Variants in LGALS8 observed in about 807,000 individuals in gnomAD.
LGALS8 encodes galectin-8.
Under a neutral mutation model 35.9 loss-of-function variants are expected in LGALS8, and 30 were observed. That is an observed-to-expected ratio of 0.83 (90% CI 0.62 to 1.13). The LOEUF (loss-of-function observed/expected upper bound fraction) is 1.13, where lower values mean the gene tolerates loss of function less well. Ranked by LOEUF, LGALS8 falls within the 50% of genes most tolerant of loss-of-function variation. The pLI is 0.00. For missense variants in LGALS8, 366 were observed against 388.7 expected (o/e 0.94, Z 0.49); for synonymous variants, 138 against 136.1 (o/e 1.01, Z -0.10).
At chr1:236,530,336 A>G (rs2758993) in intron 2 of LGALS8, among the ~76,000 whole-genome samples, 87,985 of 152,022 alleles carry the variant, frequency 0.58, 27,127 homozygotes, top group Non-Finnish European at 0.69. Context: ...AACCTGTGAG[A>G]TACCTTCTAG....
At chr1:236,524,292 G>T (rs566858103) in intron 1 of LGALS8, 1 of 456,666 alleles carries the variant, frequency 2.2e-6, no homozygotes. Context: ...GGGCATAAGG[G>T]ATTATCAGGA....
intron 7 of LGALS8, chr1:236,543,064 T>A: frequency 6.2e-7 from 1 of 1,607,142 alleles, no homozygotes; most frequent in Non-Finnish European, 8.5e-7. Context: ...CAAATTTTCT[T>A]AACTCTATAT....
intron 1 of LGALS8, chr1:236,518,340 G>C (rs1298225275): frequency 6.6e-6 from 1 of 152,120 alleles, no homozygotes; most frequent in Non-Finnish European, 1.5e-5. Context: ...AAAGAGTTTG[G>C]TGCTCATGGA....
chr1:236,550,890 C>A lies in LGALS8; in HGVS notation c.*2729C>A, dbSNP rs1225980039. The A allele has an allele frequency of 2.5e-6, 4 of 1,582,256 alleles. No individual in the cohort carries two copies. Among genetic ancestry groups the A allele is most frequent in the Non-Finnish European group, 3.4e-6 (4 of 1,166,442 alleles). On this transcript the variant is annotated 3_prime_UTR_variant, in exon 10 of 10. Coordinates refer to ENST00000366584, the MANE Select transcript of LGALS8 (RefSeq NM_201544.4). Reference sequence around the variant, plus strand: ...TGAACTCTGAGTAGAGTATGAAACACCACAGAAAGTCTTAGAAATAGCTCT... The same window carrying A: ...TGAACTCTGAGTAGAGTATGAAACAACACAGAAAGTCTTAGAAATAGCTCT...
Position 236,526,159 on chromosome 1 carries a change from G to C in LGALS8, c.45+44G>C. ...ATAACTTTTTACCTATGCCAGGACA[G>C]ATCCAATAGAATATTAATTATCCAT... is the stretch of plus-strand genomic sequence containing the variant. On this transcript the variant is annotated intron_variant, in intron 2 of 9. Coordinates refer to ENST00000366584, the MANE Select transcript of LGALS8 (RefSeq NM_201544.4). The surrounding 1 kb of genome is among the most constrained non-coding windows in gnomAD (Gnocchi z 4.6). 7.5e-7 allele frequency: 1 copy of C among 1,337,280 alleles called. No individual in the cohort carries two copies. The highest frequency in any genetic ancestry group is 1.1e-6 in the Non-Finnish European group (1 of 933,306). 82.8% of individuals were successfully genotyped at this position (1,337,280 alleles called of 1,614,324 possible).
At position 236,526,236 on chromosome 1, in the gene LGALS8, A is replaced by G. The variant is rs992444772; in HGVS notation, c.45+121A>G. The G allele has an allele frequency of 4.5e-6, 3 of 662,512 alleles. No individual in the cohort carries two copies. The highest frequency in any genetic ancestry group is 7.8e-6 in the Non-Finnish European group (3 of 385,974). 41.0% of individuals were successfully genotyped at this position (662,512 alleles called of 1,614,324 possible). A position where few individuals can be genotyped will look rare whatever the true frequency, so the allele number is the denominator to read the frequency against. On this transcript the variant is annotated intron_variant, in intron 2 of 9. Coordinates refer to ENST00000366584, the MANE Select transcript of LGALS8 (RefSeq NM_201544.4). This position sits in a 1 kb window ranked among gnomAD's most constrained non-coding sequence, Gnocchi z 4.6. ...AGTGAACATATTTAAAGCACCTACT[A>G]TGTAATAGAGATGGTGGTGGGTGCT...
chr1:236,550,538 G>T lies in LGALS8; in HGVS notation c.*2377G>T. ...ATGGATACCATGTATGTAAGATACT[G>T]CTGTACAGAAGAGTTAAGGCTTACA... On this transcript the variant is annotated 3_prime_UTR_variant, in exon 10 of 10. Transcript: ENST00000366584. 1 of 188,318 alleles carries T rather than the reference G, an allele frequency of 5.3e-6. No individual in the cohort carries two copies. The highest frequency in any genetic ancestry group is 1.1e-5 in the Non-Finnish European group (1 of 92,240). The allele number at this position is 188,318 out of a possible 1,614,324, so 11.7% of individuals were successfully genotyped here. A position where few individuals can be genotyped will look rare whatever the true frequency, so the allele number is the denominator to read the frequency against.
intron 2 of LGALS8, 80 bp from the exon 3 acceptor site, chr1:236,537,417 C>T: frequency 1.2e-6 from 1 of 837,420 alleles, no homozygotes; most frequent in South Asian, 1.4e-5. Flanking sequence ...TTTTCTCTAT[C>T]AATAATGAGT....
chr1:236,537,878 G>C (rs961017842), intron 3 of LGALS8, among the ~76,000 whole-genome samples: 12 of 150,360 alleles, frequency 8.0e-5, no homozygotes, highest in Non-Finnish European at 1.6e-4. Context: ...CAGGAGGATT[G>C]TTTGAGGCCA....
At position 236,526,082 on chromosome 1, in the gene LGALS8, C is replaced by G; in HGVS notation, c.12C>G (p.Ser4=). 1 of 1,612,028 alleles carries G rather than the reference C, an allele frequency of 6.2e-7. No individual in the cohort carries two copies. The highest frequency in any genetic ancestry group is 8.5e-7 in the Non-Finnish European group (1 of 1,178,508). Reference sequence around the variant, plus strand: ...GAAGCTGGAAAAGAATGATGTTGTCCTTAAACAACCTACAGAATATCATCT... The same window carrying G: ...GAAGCTGGAAAAGAATGATGTTGTCGTTAAACAACCTACAGAATATCATCT... MML[S]LNNLQNIIYN... is the part of the protein sequence containing the mutation. The change falls in exon 2 of 10, where the codon TCC becomes TCG. Residue 4 remains serine, a synonymous_variant. Coordinates refer to ENST00000366584, the MANE Select transcript of LGALS8 (RefSeq NM_201544.4). The surrounding 1 kb of genome is among the most constrained non-coding windows in gnomAD (Gnocchi z 4.6).
intron 6 of LGALS8, among the ~76,000 whole-genome samples, chr1:236,542,113 G>C (rs1181341445): frequency 6.6e-6 from 1 of 152,158 alleles, no homozygotes; most frequent in East Asian, 1.9e-4. Context: ...CGACTGGCAC[G>C]TTCACACCTC....
rs1182205599 is a variant in LGALS8 at position 236,549,387 on chromosome 1, A to AG, written c.*1229dup. 6.0e-6 allele frequency: 1 copy of AG among 165,538 alleles called. No homozygotes were observed. Among genetic ancestry groups the AG allele is most frequent in the Admixed American group, 6.4e-5 (1 of 15,668 alleles). The allele number at this position is 165,538 out of a possible 1,614,324, so 10.3% of individuals were successfully genotyped here. A position where few individuals can be genotyped will look rare whatever the true frequency, so the allele number is the denominator to read the frequency against. The stretch of plus-strand genomic sequence containing the variant: ...AAATTTCAAAGGTTTGGGAGTGGGG[A>AG]GGGAAAAAAGCTCAGTCAGTGAGGA... On this transcript the variant is annotated 3_prime_UTR_variant, in exon 10 of 10. Transcript: ENST00000366584.
intron 2 of LGALS8, among the ~76,000 whole-genome samples, chr1:236,531,070 C>T (rs1661114638): frequency 6.6e-6 from 1 of 152,086 alleles, no homozygotes; most frequent in African/African-American, 2.4e-5. Context: ...TCTATTTGAC[C>T]TATTTTGGAA....
intron 2 of LGALS8, among the ~76,000 whole-genome samples, chr1:236,532,082 C>T (rs1373683353): frequency 6.6e-6 from 1 of 152,166 alleles, no homozygotes; most frequent in Non-Finnish European, 1.5e-5. Flanking sequence ...GTCACATAAG[C>T]ACCCTCACAC....
chr1:236,539,046 A>G lies in LGALS8; in HGVS notation c.302A>G (p.Lys101Arg), dbSNP rs138544987. 6.2e-7 allele frequency: 1 copy of G among 1,613,992 alleles called. No individual in the cohort carries two copies. Among genetic ancestry groups the G allele is most frequent in the African/African-American group, 1.3e-5 (1 of 74,916 alleles). ...TATGACACGCCTTTCAAAAGAGAAA[A>G]GTCTTTTGAGATCGTGATTATGGTG... ...ITYDTPFKRE[K>R]SFEIVIMVLK... is the part of the protein sequence containing the mutation. The change falls in exon 4 of 10, where the codon AAG becomes AGG. Residue 101 changes from lysine (K) to arginine (R), a missense_variant. Physicochemically the swap from Lys to Arg is conservative, Grantham distance 26 (BLOSUM62 2). Transcript: ENST00000366584.
At chr1:236,542,815 T>C (rs756823555) in intron 7 of LGALS8, 28 bp downstream of exon 7, 1 of 1,614,228 alleles carries the variant, frequency 6.2e-7, no homozygotes, top group Non-Finnish European at 8.5e-7. Flanking sequence ...GGTTATTTCA[T>C]GTGGAATATT....
At chr1:236,537,021 C>CTTTTTTTTGTTTTTTTT (rs562338325) in intron 2 of LGALS8, among the ~76,000 whole-genome samples, 1 of 137,850 alleles carries the variant, frequency 7.3e-6, no homozygotes. Context: ...TATGCAGTTC[C>CTTTTTTTTGTTTTTTTT]TTTTTTTTTT....
chr1:236,547,834 C>T (rs564391042), intron 9 of LGALS8, among the ~76,000 whole-genome samples, 178 bp from the exon 10 acceptor site: 1 of 151,200 alleles, frequency 6.6e-6, no homozygotes, highest in African/African-American at 2.4e-5. Context: ...CAGACAGTGC[C>T]ACCACCAGGG....
At chr1:236,534,614 A>G (rs1661354396) in intron 2 of LGALS8, among the ~76,000 whole-genome samples, 1 of 152,044 alleles carries the variant, frequency 6.6e-6, no homozygotes, top group African/African-American at 2.4e-5. Context: ...TAAAAAAAAA[A>G]AAAAGTATTA....
Sources: gnomAD v4.1 joint callset for allele counts (sites outside exome capture counted in the v4.1 genomes callset) on GRCh38, gnomAD v4.1.1 for gene constraint, Gnocchi (gnomAD v3.1) non-coding constraint, MANE v1.5 for transcripts, NCBI Gene and HGNC (gene_info 2026-07-23, HGNC 2026-07-21) for gene names.